AK9: variants seen among roughly 807,000 people sequenced by gnomAD.
The protein encoded by AK9 is adenylate kinase 9, also known as adenylate kinase domain containing 1.
A neutral mutation model predicts 239.6 loss-of-function variants in AK9; 191 were observed. That is an observed-to-expected ratio of 0.80 (90% CI 0.71 to 0.90). The LOEUF is 0.90. Among genes scored for constraint, AK9 ranks in the 40% least tolerant of loss-of-function variants. The pLI is 0.00. For synonymous variants in AK9, 689 were observed against 721.0 expected (o/e 0.96, Z 0.71); for missense variants, 1,995 against 2,214.7 (o/e 0.90, Z 1.99).
At chr6:109,514,844 A>G (rs541533348) in intron 31 of AK9, among the ~76,000 whole-genome samples, 1 of 152,278 alleles carries the variant, frequency 6.6e-6, no homozygotes, top group Admixed American at 6.5e-5. Flanking sequence ...TTTCTGTTTG[A>G]GGCCCTAGCA....
chr6:109,689,407 C>T (rs534684462), intron 1 of AK9, among the ~76,000 whole-genome samples: 1 of 152,198 alleles, frequency 6.6e-6, no homozygotes, highest in Non-Finnish European at 1.5e-5. Flanking sequence ...GCATGTGCGA[C>T]TTTTTGCCTA....
rs190412637 is a variant in AK9, at chr6:109,680,542, T to G, written c.-11-4786A>C. ...TTGGAAAACACTCTTCAGTACATTA[T>G]CCAGGATAACTTCCCCAACCTAGCA... On this transcript the variant is annotated intron_variant, in intron 1 of 40. Transcript: ENST00000424296. Among the ~76,000 whole-genome samples the G allele has an allele frequency of 8.5e-5, 13 of 152,292 alleles. No individual in the cohort carries two copies. The East Asian group carries it at 2.5e-3, about 29-fold the overall frequency.
intron 17 of AK9, among the ~76,000 whole-genome samples, chr6:109,608,331 GACAA>G (rs771543795): frequency 4.1e-5 from 6 of 146,060 alleles, no homozygotes; most frequent in South Asian, 2.3e-4. Flanking sequence ...CTCTGGCACA[GACAA>G]ACAAACAGAC....
intron 7 of AK9, among the ~76,000 whole-genome samples, chr6:109,657,561 T>TA (rs71018360): frequency 0.02 from 3,040 of 151,418 alleles, 78 homozygotes; most frequent in East Asian, 0.11. Flanking sequence ...TTTTTTTTTT[T>TA]AATTATACTT....
At chr6:109,684,426 C>T (rs543998112) in intron 1 of AK9, among the ~76,000 whole-genome samples, 45 of 152,176 alleles carry the variant, frequency 3.0e-4, no homozygotes, top group Non-Finnish European at 5.3e-4. Flanking sequence ...AGAGGTTCTG[C>T]ACAGCAAAAG....
At chr6:109,599,988 G>A (rs1218365908) in intron 17 of AK9, among the ~76,000 whole-genome samples, 3 of 152,126 alleles carry the variant, frequency 2.0e-5, no homozygotes, top group African/African-American at 2.4e-5. Flanking sequence ...CTGAGACGAT[G>A]GGGTTTTCTA....
chr6:109,586,037 G>A lies in AK9; in HGVS notation c.1878C>T (p.Ala626=). 6.4e-7 allele frequency: 1 copy of A among 1,550,852 alleles called. No homozygotes were observed. Among genetic ancestry groups the A allele is most frequent in the Non-Finnish European group, 8.7e-7 (1 of 1,146,752 alleles). Residue 626 remains alanine, a synonymous_variant, in exon 18 of 41, where the codon GCC becomes GCT. Transcript: ENST00000424296. ...MEENKDRFPG[A]PKYGGWIVDN... ...CCACAATCCAGCCTCCATATTTTGG[G>A]GCACCAGGAAACCTATCCTTGTTTT...
chr6:109,646,063 A>T (rs1798021101), intron 8 of AK9, among the ~76,000 whole-genome samples: 1 of 152,214 alleles, frequency 6.6e-6, no homozygotes, highest in South Asian at 2.1e-4. Context: ...CAAAAAGGAC[A>T]TCGACACCAA....
intron 21 of AK9, among the ~76,000 whole-genome samples, chr6:109,572,144 C>T (rs367626334): frequency 1.3e-5 from 2 of 152,170 alleles, no homozygotes; most frequent in African/African-American, 4.8e-5. Context: ...CAGATGATTA[C>T]TTATTTCTTG....
At chr6:109,546,216 T>C (rs1783552541) in intron 25 of AK9, 89 bp from the exon 26 acceptor site, 1 of 1,206,516 alleles carries the variant, frequency 8.3e-7, no homozygotes, top group East Asian at 2.4e-5. Flanking sequence ...ATAAGACTTA[T>C]TAACTGCCCT....
At position 109,497,567 on chromosome 6, in the gene AK9, G is replaced by A; in HGVS notation, c.5217-4C>T. ...ACCAGGTACTAGAGCTTCATATCTG[G>A]AAGACCAAAAAACAAAACAAAACCT... On this transcript the variant is annotated splice_region_variant and splice_polypyrimidine_tract_variant and intron_variant, in intron 37 of 40. Coordinates refer to ENST00000424296, the MANE Select transcript of AK9 (RefSeq NM_001145128.3). The A allele has an allele frequency of 6.4e-7, 1 of 1,573,790 alleles. No individual in the cohort carries two copies. The highest frequency in any genetic ancestry group is 8.7e-7 in the Non-Finnish European group (1 of 1,151,634).
chr6:109,550,203 T>C lies in AK9; in HGVS notation c.2851A>G (p.Thr951Ala). 5.0e-6 allele frequency: 8 copies of C among 1,613,946 alleles called. 1 individual carries two copies. The highest frequency in any genetic ancestry group is 6.8e-6 in the Non-Finnish European group (8 of 1,180,026). Reference sequence around the variant, plus strand: ...TCTCGATACTTGGCTGCTTCTTCTGTGTTTCCTGGTTGCAGGATGAAGTTT... The same window carrying C: ...TCTCGATACTTGGCTGCTTCTTCTGCGTTTCCTGGTTGCAGGATGAAGTTT... The part of the protein sequence containing the change: ...KENFILQPGN[T>A]EEAAKYREKI... The change falls in exon 25 of 41, where the codon ACA becomes GCA. Residue 951 changes from threonine to alanine, a missense_variant. Physicochemically the swap from Thr to Ala is moderately conservative, Grantham distance 58. Around this residue, in one of 5 missense-constraint regions of AK9, gnomAD observed 1,290 missense variants for 1,392.7 expected, o/e 0.93. Coordinates refer to ENST00000424296, the MANE Select transcript of AK9 (RefSeq NM_001145128.3).
At chr6:109,678,599 GAA>G (rs34318013) in intron 1 of AK9, among the ~76,000 whole-genome samples, 5 of 152,100 alleles carry the variant, frequency 3.3e-5, no homozygotes, top group Admixed American at 3.3e-4. Context: ...ATCTCAAAAT[GAA>G]AAGTTTGACT....
Position 109,634,870 on chromosome 6 carries a change from C to G in AK9, c.934-1547G>C, listed in dbSNP as rs7774494. Among the ~76,000 whole-genome samples, 329 of 152,304 alleles carry G rather than the reference C, an allele frequency of 2.2e-3. 3 individuals carry two copies. Among genetic ancestry groups the G allele is most frequent in the African/African-American group, 7.7e-3 (321 of 41,574 alleles). ...TACATGAAAAAAGTATTTGAATAGA[C>G]CATAAGTATTCTCTAAAAGGTTAAG... On this transcript the variant is annotated intron_variant, in intron 10 of 40. Coordinates refer to ENST00000424296, the MANE Select transcript of AK9 (RefSeq NM_001145128.3).
chr6:109,549,970 T>G lies in AK9; in HGVS notation c.2964+120A>C, dbSNP rs1582957870. ...TGAGCCACCGCGCCCGGCCTAGATA[T>G]TTTCTTTATATTGTAATATCAGATT... On this transcript the variant is annotated intron_variant, in intron 25 of 40. Coordinates refer to ENST00000424296, the MANE Select transcript of AK9 (RefSeq NM_001145128.3). 2.2e-5 allele frequency: 25 copies of G among 1,139,300 alleles called. No individual in the cohort carries two copies. The East Asian group carries it at 6.4e-4, about 29-fold the overall frequency. 70.6% of individuals were successfully genotyped at this position (1,139,300 alleles called of 1,614,324 possible). A position where few individuals can be genotyped will look rare whatever the true frequency, so the allele number is the denominator to read the frequency against.
chr6:109,522,582 G>C (rs1157108228), intron 29 of AK9, among the ~76,000 whole-genome samples: 1 of 151,194 alleles, frequency 6.6e-6, no homozygotes, highest in East Asian at 1.9e-4. Flanking sequence ...ACTTTTTATA[G>C]CATCTTCTTC....
chr6:109,530,534 A>G lies in AK9; in HGVS notation c.3571-1461T>C, dbSNP rs73523126. 8.1e-3 allele frequency among the ~76,000 whole-genome samples: 1,241 copies of G among 152,286 alleles called. 26 individuals are homozygous for G. Among genetic ancestry groups the G allele is most frequent in the African/African-American group, 0.027 (1,102 of 41,534 alleles). On this transcript the variant is annotated intron_variant, in intron 28 of 40. Transcript: ENST00000424296. ...TCTCTTTTGTGTTTTCATAAAACATAAAGACCACTGTATTACCAAAAAATT... is the reference window on the plus strand; with the variant it reads ...TCTCTTTTGTGTTTTCATAAAACATGAAGACCACTGTATTACCAAAAAATT...
chr6:109,547,841 A>G (rs1158447016), intron 25 of AK9, among the ~76,000 whole-genome samples: 2 of 98,958 alleles, frequency 2.0e-5, no homozygotes, highest in African/African-American at 3.3e-5. Context: ...CAAACAGCTC[A>G]GTAGCAAAAA....
intron 8 of AK9, among the ~76,000 whole-genome samples, chr6:109,653,529 C>A (rs1799267808): frequency 6.6e-6 from 1 of 152,100 alleles, no homozygotes; most frequent in African/African-American, 2.4e-5. Context: ...AAGTTTTTAA[C>A]CCTTATCTGG....
Sources: allele counts gnomAD v4.1 joint callset (sites outside exome capture counted in the v4.1 genomes callset), GRCh38; gene constraint gnomAD v4.1.1; regional missense constraint gnomAD v4.1.1; transcripts MANE v1.5; gene names NCBI Gene and HGNC (gene_info 2026-07-23, HGNC 2026-07-21).